STIMATE: variants seen among roughly 807,000 people sequenced by gnomAD.
STIMATE encodes the protein store-operated calcium entry regulator STIMATE.
In STIMATE, 15 loss-of-function variants were observed where a neutral mutation model predicts 36.7. The observed-to-expected ratio is 0.41, with a 90% CI of 0.27 to 0.63. The LOEUF is 0.63. Ranked by LOEUF, STIMATE falls within the 20% of genes least tolerant of loss-of-function variation. The probability of loss-of-function intolerance (pLI) is 0.32; values close to 1 mark genes in which losing one functional copy is unlikely to be tolerated. For synonymous variants in STIMATE, 163 were observed against 162.3 expected (o/e 1.00, Z -0.03); for missense variants, 305 against 397.3 (o/e 0.77, Z 1.98).
intron 1 of STIMATE, among the ~76,000 whole-genome samples, chr3:52,892,438 C>T (rs1199077695): frequency 1.3e-5 from 2 of 152,212 alleles, no homozygotes; most frequent in Non-Finnish European, 2.9e-5. Flanking sequence ...AGTATGCTAA[C>T]ATTGGCCACA....
At chr3:52,892,506 A>G (rs1355434066) in intron 1 of STIMATE, among the ~76,000 whole-genome samples, 1 of 152,192 alleles carries the variant, frequency 6.6e-6, no homozygotes, top group East Asian at 1.9e-4. Context: ...GGCACTCCAG[A>G]AGGAGGAAAG....
chr3:52,836,741 T>A lies in STIMATE; in HGVS notation c.*3753A>T, dbSNP rs901255399. Reference sequence around the variant, plus strand: ...AACCACAAATGTGATGGTTTCTTTTTAAAAAAAACTGTAATAAGATGCCAA... The same window carrying A: ...AACCACAAATGTGATGGTTTCTTTTAAAAAAAAACTGTAATAAGATGCCAA... On this transcript the variant is annotated 3_prime_UTR_variant, in exon 8 of 8. Coordinates refer to ENST00000355083, the MANE Select transcript of STIMATE (RefSeq NM_198563.5). The A allele has an allele frequency of 4.3e-5, 16 of 370,620 alleles. No homozygotes were observed. Among genetic ancestry groups the A allele is most frequent in the African/African-American group, 1.9e-4 (9 of 46,892 alleles). 23.0% of individuals were successfully genotyped at this position (370,620 alleles called of 1,614,324 possible). A position where few individuals can be genotyped will look rare whatever the true frequency, so the allele number is the denominator to read the frequency against.
At chr3:52,850,275 CA>C (rs1410617222) in intron 3 of STIMATE, among the ~76,000 whole-genome samples, 1 of 152,004 alleles carries the variant, frequency 6.6e-6, no homozygotes, top group Non-Finnish European at 1.5e-5. Context: ...ACTGAAAATA[CA>C]AAAAAATTAG....
At chr3:52,881,443 G>A (rs575818923) in intron 1 of STIMATE, among the ~76,000 whole-genome samples, 53 of 152,102 alleles carry the variant, frequency 3.5e-4, no homozygotes, top group African/African-American at 1.3e-3. Flanking sequence ...GTGGCTTGAC[G>A]CCTGTAATCC....
chr3:52,878,236 C>T (rs1380712993), intron 1 of STIMATE, among the ~76,000 whole-genome samples: 3 of 152,298 alleles, frequency 2.0e-5, no homozygotes, highest in African/African-American at 7.2e-5. Context: ...ACCAAATTTA[C>T]GCAGTCTGAT....
Position 52,839,526 on chromosome 3 carries a change from A to G in STIMATE, c.*968T>C, listed in dbSNP as rs1700760226. ...TGGTCAAATTTAACTAAGATCTCTA[A>G]TCTGCCAGCAGGAATGCTAGAGCTC... is the stretch of plus-strand genomic sequence containing the variant. On this transcript the variant is annotated 3_prime_UTR_variant, in exon 8 of 8. Coordinates refer to ENST00000355083, the MANE Select transcript of STIMATE (RefSeq NM_198563.5). 6.6e-6 allele frequency: 1 copy of G among 152,208 alleles called. No homozygotes were observed. Among genetic ancestry groups the G allele is most frequent in the Admixed American group, 6.5e-5 (1 of 15,284 alleles). 9.4% of individuals were successfully genotyped at this position (152,208 alleles called of 1,614,324 possible). A position where few individuals can be genotyped will look rare whatever the true frequency, so the allele number is the denominator to read the frequency against.
At chr3:52,895,388 T>C (rs1387102651) in intron 1 of STIMATE, among the ~76,000 whole-genome samples, 5 of 152,138 alleles carry the variant, frequency 3.3e-5, no homozygotes, top group African/African-American at 9.7e-5. Context: ...AGGGCAGACA[T>C]AGCTCTAGCC....
intron 1 of STIMATE, among the ~76,000 whole-genome samples, chr3:52,878,045 G>GC (rs907412328): frequency 2.0e-5 from 3 of 149,922 alleles, no homozygotes; most frequent in African/African-American, 7.4e-5. Flanking sequence ...AGTGAGCTGA[G>GC]ATCGCGCCAC....
chr3:52,862,067 T>G (rs1292837254), intron 1 of STIMATE, among the ~76,000 whole-genome samples: 1 of 152,180 alleles, frequency 6.6e-6, no homozygotes, highest in African/African-American at 2.4e-5. Context: ...TGGCCCAGTC[T>G]GCTGGGTCCC....
At chr3:52,868,339 C>T (rs1701346838) in intron 1 of STIMATE, among the ~76,000 whole-genome samples, 1 of 152,176 alleles carries the variant, frequency 6.6e-6, no homozygotes, top group Non-Finnish European at 1.5e-5. Flanking sequence ...CTCAGTTCTA[C>T]CCTAGCAGAA....
intron 7 of STIMATE, 96 bp from the exon 8 acceptor site, chr3:52,840,706 T>A: frequency 2.6e-6 from 3 of 1,170,520 alleles, no homozygotes; most frequent in Non-Finnish European, 2.3e-6. Flanking sequence ...TCATGTTTTT[T>A]TTTTTTTTTT....
At chr3:52,888,160 G>A (rs532107687) in intron 1 of STIMATE, among the ~76,000 whole-genome samples, 5 of 151,912 alleles carry the variant, frequency 3.3e-5, no homozygotes, top group South Asian at 2.1e-4. Flanking sequence ...AGCCTCTCAC[G>A]TGCTTCTGAA....
At chr3:52,860,690 G>A (rs935478305) in intron 1 of STIMATE, among the ~76,000 whole-genome samples, 9 of 152,232 alleles carry the variant, frequency 5.9e-5, no homozygotes, top group African/African-American at 2.2e-4. Flanking sequence ...CCACATGCTG[G>A]CACTGACCGG....
At chr3:52,895,350 C>T (rs1443957210) in intron 1 of STIMATE, among the ~76,000 whole-genome samples, 1 of 152,174 alleles carries the variant, frequency 6.6e-6, no homozygotes, top group South Asian at 2.1e-4. Context: ...GGGGAGGAGG[C>T]TCTTGCTCTC....
At chr3:52,896,461 GC>G (rs11379141) in intron 1 of STIMATE, among the ~76,000 whole-genome samples, 92 of 151,198 alleles carry the variant, frequency 6.1e-4, no homozygotes, top group Admixed American at 1.6e-3. Flanking sequence ...AAAAACAGAA[GC>G]CCCCCCCCAC....
chr3:52,862,580 A>T (rs776171749), intron 1 of STIMATE, among the ~76,000 whole-genome samples: 14 of 152,232 alleles, frequency 9.2e-5, no homozygotes, highest in Non-Finnish European at 1.3e-4. Flanking sequence ...AGAGTATATT[A>T]TTTTAGTAGT....
intron 1 of STIMATE, among the ~76,000 whole-genome samples, chr3:52,876,298 C>A (rs1331748199): frequency 6.6e-6 from 1 of 152,196 alleles, no homozygotes; most frequent in Non-Finnish European, 1.5e-5. Flanking sequence ...CCCTCACCTA[C>A]CACTGAACAG....
chr3:52,887,503 C>T (rs1701707562), intron 1 of STIMATE, among the ~76,000 whole-genome samples: 2 of 151,924 alleles, frequency 1.3e-5, no homozygotes, highest in African/African-American at 4.8e-5. Flanking sequence ...CTGCAAGACA[C>T]AAGGATGCTG....
intron 1 of STIMATE, among the ~76,000 whole-genome samples, chr3:52,877,046 A>T (rs1701512829): frequency 6.6e-6 from 1 of 152,256 alleles, no homozygotes; most frequent in African/African-American, 2.4e-5. Context: ...AATGCAGGTT[A>T]AAACTGAGAA....
Sources: gnomAD v4.1 joint callset for allele counts (sites outside exome capture counted in the v4.1 genomes callset) on GRCh38, gnomAD v4.1.1 for gene constraint, MANE v1.5 for transcripts, NCBI Gene and HGNC (gene_info 2026-07-23, HGNC 2026-07-21) for gene names.